ADARB2: variants seen among roughly 807,000 people sequenced by gnomAD.
ADARB2 encodes the protein inactive double-stranded RNA-specific editase B2.
In ADARB2, 25 loss-of-function variants were observed where a neutral mutation model predicts 62.2. That is an observed-to-expected ratio of 0.40 (90% confidence interval 0.29 to 0.56). The LOEUF (loss-of-function observed/expected upper bound fraction) is 0.56. ADARB2 is among the 20% of genes least tolerant of loss of function. The probability of loss-of-function intolerance (pLI) is 0.43; values close to 1 mark genes in which losing one functional copy is unlikely to be tolerated. For synonymous variants in ADARB2, 572 were observed against 500.8 expected (o/e 1.14, Z -1.90); for missense variants, 1,071 against 1,077.4 (o/e 0.99, Z 0.08).
chr10:1,339,291 T>C (rs1253371504), intron 3 of ADARB2, among the ~76,000 whole-genome samples: 2 of 152,246 alleles, frequency 1.3e-5, no homozygotes, highest in African/African-American at 4.8e-5. Context: ...GATTCACACA[T>C]GGCTAAGTGC....
intron 1 of ADARB2, among the ~76,000 whole-genome samples, chr10:1,672,297 C>T (rs1008673501): frequency 3.3e-5 from 5 of 152,246 alleles, no homozygotes; most frequent in Non-Finnish European, 7.4e-5. Flanking sequence ...CTGGGAAGGG[C>T]GCTGGGGTGT....
chr10:1,310,117 TTTA>T (rs1371433576), intron 3 of ADARB2, among the ~76,000 whole-genome samples: 3 of 152,216 alleles, frequency 2.0e-5, no homozygotes, highest in Non-Finnish European at 4.4e-5. Flanking sequence ...TGCTGCTTTG[TTTA>T]TTAAGTCACT....
intron 1 of ADARB2, among the ~76,000 whole-genome samples, chr10:1,719,478 T>A (rs77002255): frequency 0.015 from 2,247 of 152,280 alleles, 56 homozygotes; most frequent in African/African-American, 0.051. Flanking sequence ...CTCCATTGAA[T>A]CAGAAGCATT....
chr10:1,513,909 G>A (rs1227340780), intron 1 of ADARB2, among the ~76,000 whole-genome samples: 3 of 151,942 alleles, frequency 2.0e-5, no homozygotes, highest in African/African-American at 7.3e-5. Flanking sequence ...TGTTCTAAAT[G>A]AAGCTGTGTA....
At chr10:1,658,823 G>A (rs934390802) in intron 1 of ADARB2, among the ~76,000 whole-genome samples, 7 of 152,222 alleles carry the variant, frequency 4.6e-5, no homozygotes, top group African/African-American at 9.6e-5. Context: ...CTAGTCTCGC[G>A]GAGGCTGCTA....
intron 1 of ADARB2, among the ~76,000 whole-genome samples, chr10:1,634,420 G>C (rs929693427): frequency 6.6e-6 from 1 of 152,174 alleles, no homozygotes; most frequent in Non-Finnish European, 1.5e-5. Flanking sequence ...CTGCTCCTTG[G>C]AAACGTGGAC....
In ADARB2 at chr10:1,363,535, C is replaced by G. The variant is rs372200566; in HGVS notation, c.570G>C (p.Val190=). The change falls in exon 3 of 10, where the codon GTG becomes GTC. Residue 190 remains valine, a synonymous_variant. Coordinates refer to ENST00000381312, the MANE Select transcript of ADARB2 (RefSeq NM_018702.4). ...RAAELALRSF[V]QFPNACQAHL... is the part of the protein sequence containing the mutation. Reference sequence around the variant, plus strand: ...GCGCCTGGCAGGCGTTGGGGAACTGCACGAAGGACCTGAGTGCCAGCTCCG... The same window carrying G: ...GCGCCTGGCAGGCGTTGGGGAACTGGACGAAGGACCTGAGTGCCAGCTCCG... The G allele has an allele frequency of 1.3e-6, 2 of 1,558,016 alleles. No individual in the cohort carries two copies.
chr10:1,449,074 C>T (rs141709678), intron 1 of ADARB2, among the ~76,000 whole-genome samples: 33 of 152,288 alleles, frequency 2.2e-4, no homozygotes, highest in African/African-American at 6.5e-4. Flanking sequence ...TGAATGGTTG[C>T]GGTCACTGGT....
At chr10:1,330,085 A>T (rs1452938326) in intron 3 of ADARB2, among the ~76,000 whole-genome samples, 1 of 152,112 alleles carries the variant, frequency 6.6e-6, no homozygotes, top group Non-Finnish European at 1.5e-5. Context: ...GAATACCTGG[A>T]TAATCAGTGA....
At chr10:1,572,829 C>T (rs1481937547) in intron 1 of ADARB2, among the ~76,000 whole-genome samples, 1 of 152,224 alleles carries the variant, frequency 6.6e-6, no homozygotes, top group Non-Finnish European at 1.5e-5. Flanking sequence ...ACATTTGCTG[C>T]TGGTGCTTCT....
At chr10:1,459,569 G>C (rs961458388) in intron 1 of ADARB2, among the ~76,000 whole-genome samples, 11 of 152,208 alleles carry the variant, frequency 7.2e-5, no homozygotes, top group Admixed American at 7.2e-4. Context: ...TTTGAGACCA[G>C]CCCGGCCAAC....
chr10:1,222,320 T>G (rs1202952175), intron 6 of ADARB2, among the ~76,000 whole-genome samples: 2 of 152,250 alleles, frequency 1.3e-5, no homozygotes, highest in Non-Finnish European at 2.9e-5. Context: ...ATTAGCCCTT[T>G]GTCAGATGAG....
intron 1 of ADARB2, among the ~76,000 whole-genome samples, chr10:1,510,110 C>CTCTTTCTCTCTCTCTT (rs1554767638): frequency 4.7e-5 from 5 of 106,184 alleles, no homozygotes; most frequent in African/African-American, 7.2e-5. Flanking sequence ...CTTTCTTTCT[C>CTCTTTCTCTCTCTCTT]TCTTTCTTTC....
chr10:1,192,807 G>C (rs1351440702), intron 8 of ADARB2, among the ~76,000 whole-genome samples: 1 of 152,236 alleles, frequency 6.6e-6, no homozygotes, highest in Non-Finnish European at 1.5e-5. Context: ...AGCCAGCCTG[G>C]TGGCGGGTGC....
At position 1,177,976 on chromosome 10, in the gene ADARB2, G is replaced by C. The variant is rs1053337325; in HGVS notation, c.*5217C>G. On this transcript the variant is annotated 3_prime_UTR_variant, in exon 10 of 10. Transcript: ENST00000381312. ...AATCTCATAAGCCGGTCTCAAAAAA[G>C]TAAATAGATCTCTAGAGATGTGGCC... 1.3e-5 allele frequency: 2 copies of C among 152,218 alleles called. No individual in the cohort carries two copies. Among genetic ancestry groups the C allele is most frequent in the African/African-American group, 4.8e-5 (2 of 41,438 alleles). 9.4% of individuals were successfully genotyped at this position (152,218 alleles called of 1,614,324 possible).
At chr10:1,548,084 C>T (rs74524284) in intron 1 of ADARB2, among the ~76,000 whole-genome samples, 1,597 of 152,254 alleles carry the variant, frequency 0.01, 13 homozygotes, top group Non-Finnish European at 0.017. Context: ...CACACAGACA[C>T]TGCCTCCCTA....
chr10:1,243,130 C>T (rs561977464), intron 4 of ADARB2, among the ~76,000 whole-genome samples: 6 of 152,186 alleles, frequency 3.9e-5, no homozygotes, highest in South Asian at 2.1e-4. Context: ...TGTCATTAGA[C>T]GGGTCAGTGT....
At chr10:1,333,923 GA>G (rs1177840177) in intron 3 of ADARB2, among the ~76,000 whole-genome samples, 1 of 152,128 alleles carries the variant, frequency 6.6e-6, no homozygotes, top group African/African-American at 2.4e-5. Flanking sequence ...ACCTCTCAAA[GA>G]AAACAGACAT....
chr10:1,428,235 A>G (rs539894323), intron 1 of ADARB2, among the ~76,000 whole-genome samples: 1 of 151,362 alleles, frequency 6.6e-6, no homozygotes, highest in East Asian at 1.9e-4. Context: ...AGCCTCCCAA[A>G]GTGCTGGGAT....
Sources: allele counts gnomAD v4.1 joint callset (sites outside exome capture counted in the v4.1 genomes callset), GRCh38; gene constraint gnomAD v4.1.1; transcripts MANE v1.5; gene names NCBI Gene and HGNC (gene_info 2026-07-23, HGNC 2026-07-21).